DYNC1H1: variants seen among roughly 807,000 people sequenced by gnomAD.
DYNC1H1 encodes dynein cytoplasmic 1 heavy chain 1.
A neutral mutation model predicts 527.1 loss-of-function variants in DYNC1H1; 51 were observed. That is an observed-to-expected ratio of 0.10 (90% CI 0.08 to 0.12). The LOEUF is 0.12. DYNC1H1 is among the 10% of genes least tolerant of loss of function. The probability of loss-of-function intolerance (pLI) is 1.00; values close to 1 mark genes in which losing one functional copy is unlikely to be tolerated. For missense variants in DYNC1H1, 2,771 were observed against 5,971.8 expected, an observed-to-expected ratio of 0.46 and a Z score of 17.66; for synonymous variants, 2,189 against 2,278.8, an observed-to-expected ratio of 0.96 and a Z score of 1.12.
rs368626054 is a variant in DYNC1H1, at chr14:102,027,910, G to A, written c.9264-27G>A. 2.5e-5 allele frequency: 40 copies of A among 1,614,090 alleles called. No homozygotes were observed. The highest frequency in any genetic ancestry group is 1.8e-4 in the Admixed American group (11 of 60,002). ...GGGACAAAGCCTGCCCCTCATAGCT[G>A]TCCTGAAACATGGGCCTCTTTCTCA... On this transcript the variant is annotated intron_variant, in intron 47 of 77. Transcript: ENST00000360184. This position sits in a 1 kb window ranked among gnomAD's most constrained non-coding sequence, Gnocchi z 7.7.
rs17540589 is a variant in DYNC1H1 at position 101,965,418 on chromosome 14, A to T, written c.256+471A>T. Among the ~76,000 whole-genome samples, 1,673 of 152,178 alleles carry T rather than the reference A, an allele frequency of 0.011. 17 individuals are homozygous for T. The highest frequency in any genetic ancestry group is 0.015 in the Non-Finnish European group (1,025 of 67,996). ...GTGTCCAAGCCAAGTGGCCTTCGGG[A>T]GGGATGTGTCGGGGGCAGACCCGCG... On this transcript the variant is annotated intron_variant, in intron 1 of 77. Coordinates refer to ENST00000360184, the MANE Select transcript of DYNC1H1 (RefSeq NM_001376.5). The surrounding 1 kb of genome is among the most constrained non-coding windows in gnomAD (Gnocchi z 4.1).
intron 7 of DYNC1H1, among the ~76,000 whole-genome samples, chr14:101,984,698 C>T (rs1261067736): frequency 6.0e-5 from 9 of 150,426 alleles, no homozygotes; most frequent in African/African-American, 1.9e-4. Context: ...TTTGGGATGC[C>T]GAGGCAGGCG....
In DYNC1H1 at chr14:102,036,634, C is replaced by T; in HGVS notation, c.10900C>T (p.Leu3634=). Residue 3634 remains leucine, a synonymous_variant, in exon 57 of 78, where the codon CTG becomes TTG. Transcript: ENST00000360184. The surrounding 1 kb of genome is among the most constrained non-coding windows in gnomAD (Gnocchi z 5.6). The stretch of plus-strand genomic sequence containing the variant: ...TGCACTGAGATTCGGTAACCCCCTT[C>T]TGGTCCAGGTTGGTGTTGGCCTTTG... ...ESALRFGNPL[L]VQDVESYDPV... 1 of 1,614,128 alleles carries T rather than the reference C, an allele frequency of 6.2e-7. No individual in the cohort carries two copies.
At position 101,995,127 on chromosome 14, in the gene DYNC1H1, G is replaced by A. The variant is rs142334081; in HGVS notation, c.3444+31G>A. ...GACATAGGATTCTGCCTCTGTAACCGGTCTACTGGTGAACCCCAGCTCTGT... is the reference window on the plus strand; with the variant it reads ...GACATAGGATTCTGCCTCTGTAACCAGTCTACTGGTGAACCCCAGCTCTGT... On this transcript the variant is annotated intron_variant, in intron 14 of 77. Transcript: ENST00000360184. 1,083 of 1,614,076 alleles carry A rather than the reference G, an allele frequency of 6.7e-4. 15 individuals are homozygous for A. The African/African-American group carries it at 0.013, about 19-fold the overall frequency.
At chr14:102,007,299 G>A (rs2048207777) in intron 28 of DYNC1H1, among the ~76,000 whole-genome samples, 191 bp downstream of exon 28, 1 of 152,196 alleles carries the variant, frequency 6.6e-6, no homozygotes, top group African/African-American at 2.4e-5. Context: ...ATGCATTGAA[G>A]TTGACTTCAG....
chr14:101,968,717 A>G (rs1262430642), intron 1 of DYNC1H1, among the ~76,000 whole-genome samples: 1 of 148,832 alleles, frequency 6.7e-6, no homozygotes, highest in Non-Finnish European at 1.5e-5. Context: ...ACACACCACC[A>G]CGCCTGGCTC....
Position 102,015,774 on chromosome 14 carries a change from C to A in DYNC1H1, c.7243-82C>A. ...AATGAGTTTTCCAAGGTCGTATGAC[C>A]TTCTCCTGGGACCAGGTTAGAATCG... On this transcript the variant is annotated intron_variant, in intron 35 of 77. Transcript: ENST00000360184. This position sits in a 1 kb window ranked among gnomAD's most constrained non-coding sequence, Gnocchi z 6.9. 3 of 1,487,858 alleles carry A rather than the reference C, an allele frequency of 2.0e-6. No individual in the cohort carries two copies. The highest frequency in any genetic ancestry group is 1.8e-5 in the Admixed American group (1 of 54,180). 92.2% of individuals were successfully genotyped at this position (1,487,858 alleles called of 1,614,324 possible). A position where few individuals can be genotyped will look rare whatever the true frequency, so the allele number is the denominator to read the frequency against.
intron 73 of DYNC1H1, 144 bp downstream of exon 73, chr14:102,048,172 C>A: frequency 9.0e-7 from 1 of 1,109,530 alleles, no homozygotes. Flanking sequence ...AGGTGTCCAG[C>A]TGAGCCCAGG....
intron 1 of DYNC1H1, among the ~76,000 whole-genome samples, chr14:101,968,929 A>G (rs187422783): frequency 1.3e-5 from 2 of 150,752 alleles, no homozygotes; most frequent in Non-Finnish European, 1.5e-5. Context: ...AACACAACAT[A>G]TCACCATGAT....
chr14:101,974,335 G>T (rs2047776310), intron 1 of DYNC1H1, among the ~76,000 whole-genome samples: 1 of 152,188 alleles, frequency 6.6e-6, no homozygotes, highest in South Asian at 2.1e-4. Flanking sequence ...TCTACCTCAG[G>T]TGATCCACCT....
At position 102,040,221 on chromosome 14, in the gene DYNC1H1, T is replaced by C. The variant is rs564877505; in HGVS notation, c.11691-15T>C. ...AACGTGAGAGACCCTAGCTAACCTG[T>C]TGCACCCTTCGCAGGGAGCCCACCT... On this transcript the variant is annotated splice_polypyrimidine_tract_variant and intron_variant, in intron 62 of 77. Transcript: ENST00000360184. 1.2e-6 allele frequency: 2 copies of C among 1,614,116 alleles called. No individual in the cohort carries two copies. The highest frequency in any genetic ancestry group is 4.5e-5 in the East Asian group (2 of 44,882).
At position 101,983,540 on chromosome 14, in the gene DYNC1H1, C is replaced by T; in HGVS notation, c.1392C>T (p.Asp464=). Residue 464 remains aspartate, a synonymous_variant, in exon 7 of 78, where the codon GAC becomes GAT. Coordinates refer to ENST00000360184, the MANE Select transcript of DYNC1H1 (RefSeq NM_001376.5). The surrounding 1 kb of genome is among the most constrained non-coding windows in gnomAD (Gnocchi z 5.3). The stretch of plus-strand genomic sequence containing the variant: ...ACAGGAAGCTGCAGGCCCGCCTTGA[C>T]CAGATGAGAAAATTTAGACGCCAGC... ...PAHRKLQARL[D]QMRKFRRQHE... The T allele has an allele frequency of 6.2e-7, 1 of 1,614,164 alleles. No homozygotes were observed. The highest frequency in any genetic ancestry group is 8.5e-7 in the Non-Finnish European group (1 of 1,180,046).
In DYNC1H1 at chr14:102,050,992, C is replaced by G. The variant is rs1371296055; in HGVS notation, c.*429C>G. On this transcript the variant is annotated 3_prime_UTR_variant, in exon 78 of 78. Coordinates refer to ENST00000360184, the MANE Select transcript of DYNC1H1 (RefSeq NM_001376.5). ...GACACAGATGCAGCCAGCTGTGGCTCTGAAGGCCCTGGGGCCCGGGCACCA... is the reference window on the plus strand; with the variant it reads ...GACACAGATGCAGCCAGCTGTGGCTGTGAAGGCCCTGGGGCCCGGGCACCA... 1.4e-5 allele frequency: 4 copies of G among 286,390 alleles called. No homozygotes were observed. Among genetic ancestry groups the G allele is most frequent in the Non-Finnish European group, 2.7e-5 (4 of 147,974 alleles). The allele number at this position is 286,390 out of a possible 1,614,324, so 17.7% of individuals were successfully genotyped here.
intron 27 of DYNC1H1, 127 bp from the exon 28 acceptor site, chr14:102,006,881 T>G: frequency 3.0e-6 from 3 of 997,034 alleles, no homozygotes; most frequent in Non-Finnish European, 4.6e-6. Flanking sequence ...ATTACAGGCA[T>G]GAGCCACCCT....
At position 102,044,752 on chromosome 14, in the gene DYNC1H1, C is replaced by T. The variant is rs1005380513; in HGVS notation, c.13006+54C>T. ...AGGGTGGGTGGCGAGGGTCCCCTCA[C>T]GCGGGGTGGGTGGCGAGGGTCCCCA... is the stretch of plus-strand genomic sequence containing the variant. On this transcript the variant is annotated intron_variant, in intron 72 of 77. Transcript: ENST00000360184. This position sits in a 1 kb window ranked among gnomAD's most constrained non-coding sequence, Gnocchi z 7.1. 1.3e-5 allele frequency: 18 copies of T among 1,391,380 alleles called. No individual in the cohort carries two copies. Among genetic ancestry groups the T allele is most frequent in the African/African-American group, 8.8e-5 (6 of 68,184 alleles). The allele number at this position is 1,391,380 out of a possible 1,614,324, so 86.2% of individuals were successfully genotyped here. A position where few individuals can be genotyped will look rare whatever the true frequency, so the allele number is the denominator to read the frequency against.
intron 72 of DYNC1H1, chr14:102,047,552 C>T (rs528707198): frequency 2.5e-4 from 54 of 213,470 alleles, no homozygotes; most frequent in South Asian, 4.5e-4. Flanking sequence ...TATATATATA[C>T]ACACACACAC....
At position 102,016,504 on chromosome 14, in the gene DYNC1H1, A is replaced by G. The variant is rs1567012541; in HGVS notation, c.7614+15A>G. ...TCGATTATGAGGTGAGCATGCAGCTACCACCCGTGTTTCTGATTCTCGCCT... is the reference window on the plus strand; with the variant it reads ...TCGATTATGAGGTGAGCATGCAGCTGCCACCCGTGTTTCTGATTCTCGCCT... On this transcript the variant is annotated intron_variant, in intron 37 of 77. Coordinates refer to ENST00000360184, the MANE Select transcript of DYNC1H1 (RefSeq NM_001376.5). The surrounding 1 kb of genome is among the most constrained non-coding windows in gnomAD (Gnocchi z 7.3). 1.2e-6 allele frequency: 2 copies of G among 1,614,138 alleles called. No homozygotes were observed. Among genetic ancestry groups the G allele is most frequent in the South Asian group, 1.1e-5 (1 of 91,086 alleles).
intron 15 of DYNC1H1, 74 bp downstream of exon 15, chr14:101,995,374 G>T (rs1410300229): frequency 1.3e-6 from 2 of 1,569,146 alleles, no homozygotes; most frequent in East Asian, 4.5e-5. Context: ...CACTTTGGGA[G>T]GCCGAGGCGG....
At chr14:102,022,963 T>C (rs148697608) in intron 43 of DYNC1H1, 83 bp downstream of exon 43, 4 of 1,599,430 alleles carry the variant, frequency 2.5e-6, no homozygotes, top group East Asian at 2.2e-5. Context: ...AATTATCTTC[T>C]ACTCAAAAAT....
Sources: allele counts gnomAD v4.1 joint callset (sites outside exome capture counted in the v4.1 genomes callset), GRCh38; gene constraint gnomAD v4.1.1; non-coding constraint Gnocchi (gnomAD v3.1); transcripts MANE v1.5; gene names NCBI Gene and HGNC (gene_info 2026-07-23, HGNC 2026-07-21).